The following PCDHA11 variants were observed in gnomAD, a reference collection of about 807,000 sequenced individuals.
PCDHA11 encodes protocadherin alpha-11.
Under a neutral mutation model 70.3 loss-of-function variants are expected in PCDHA11, and 61 were observed. The ratio of observed to expected loss-of-function variants is 0.87; its 90% confidence interval spans 0.71 to 1.07. The LOEUF (loss-of-function observed/expected upper bound fraction) is 1.07. PCDHA11 is among the 50% of genes least tolerant of loss of function. PCDHA11 has a pLI of 0.00. For synonymous variants in PCDHA11, 633 were observed against 555.1 expected (o/e 1.14, Z -1.97); for missense variants, 1,324 against 1,237.5 (o/e 1.07, Z -1.05).
At chr5:140,995,087 C>T (rs1482673933) in intron 3 of PCDHA11, among the ~76,000 whole-genome samples, 1 of 152,222 alleles carries the variant, frequency 6.6e-6, no homozygotes, top group Non-Finnish European at 1.5e-5. Flanking sequence ...CCAAACTTAT[C>T]TGTGGAGATA....
chr5:140,875,783 T>C (rs782000038), intron 1 of PCDHA11: 4 of 1,614,050 alleles, frequency 2.5e-6, no homozygotes, highest in Non-Finnish European at 3.4e-6. Flanking sequence ...GAGTGCAGTA[T>C]CCACCTGGAG....
At chr5:140,921,588 T>C (rs534654717) in intron 1 of PCDHA11, among the ~76,000 whole-genome samples, 1 of 152,342 alleles carries the variant, frequency 6.6e-6, no homozygotes, top group African/African-American at 2.4e-5. Flanking sequence ...TACTATATTA[T>C]GGTTTCAAAG....
chr5:140,978,680 T>C (rs2096816388), intron 1 of PCDHA11, among the ~76,000 whole-genome samples: 1 of 152,240 alleles, frequency 6.6e-6, no homozygotes, highest in Non-Finnish European at 1.5e-5. Context: ...CAGACATGTA[T>C]TGGGCAAGGC....
intron 3 of PCDHA11, among the ~76,000 whole-genome samples, chr5:141,000,094 C>G (rs782020096): frequency 1.3e-5 from 2 of 152,128 alleles, no homozygotes; most frequent in Non-Finnish European, 2.9e-5. Flanking sequence ...GTGAATGGAG[C>G]TCAACTCCGT....
In PCDHA11 at chr5:140,870,426, C is replaced by T; in HGVS notation, c.1323C>T (p.Ser441=). The T allele has an allele frequency of 1.2e-6, 2 of 1,614,208 alleles. No homozygotes were observed. The highest frequency in any genetic ancestry group is 2.2e-5 in the South Asian group (2 of 91,084). The change falls in exon 1 of 4, where the codon TCC becomes TCT. Residue 441 remains serine (S), a synonymous_variant. Coordinates refer to ENST00000398640, the MANE Select transcript of PCDHA11 (RefSeq NM_018902.5). ...CTCTGTGGGCCACGGCCAGGGTATC[C>T]GTGGAGGTGGCCGACGTGAACGACA... ...SPSLWATARV[S]VEVADVNDNA...
At chr5:141,009,577 C>T in intron 3 of PCDHA11, 50 bp from the exon 4 acceptor site, 1 of 1,584,324 alleles carries the variant, frequency 6.3e-7, no homozygotes, top group South Asian at 1.2e-5. Flanking sequence ...AGTGTGGCAT[C>T]AAGAGCATGT....
chr5:140,987,481 G>T (rs1244029095), intron 3 of PCDHA11, among the ~76,000 whole-genome samples: 1 of 152,170 alleles, frequency 6.6e-6, no homozygotes, highest in Non-Finnish European at 1.5e-5. Flanking sequence ...TTGGGAGTCA[G>T]TGACCCTTTC....
chr5:140,877,789 A>C, intron 1 of PCDHA11: 1 of 1,614,072 alleles, frequency 6.2e-7, no homozygotes, highest in Non-Finnish European at 8.5e-7. Flanking sequence ...CATGGCCTTC[A>C]GCCCAAGCCT....
chr5:141,009,825 T>A lies in PCDHA11; in HGVS notation c.2738T>A (p.Ile913Lys). ...AGCCAAATTGACAAAAGTGACTTCA[T>A]AACCTTCGGCAAAAAGGAGGAGACC... ...TNSQIDKSDF[I>K]TFGKKEETKK... is the part of the protein sequence containing the mutation. The change falls in exon 4 of 4, where the codon ATA (isoleucine) becomes AAA (lysine). Residue 913 changes from isoleucine to lysine, a missense_variant. Physicochemically the swap from Ile to Lys is moderately radical, Grantham distance 102. Coordinates refer to ENST00000398640, the MANE Select transcript of PCDHA11 (RefSeq NM_018902.5). 2 of 1,613,774 alleles carry A rather than the reference T, an allele frequency of 1.2e-6. No homozygotes were observed.
intron 1 of PCDHA11, among the ~76,000 whole-genome samples, chr5:140,908,850 C>T (rs1234928966): frequency 6.6e-6 from 1 of 152,160 alleles, no homozygotes; most frequent in Non-Finnish European, 1.5e-5. Flanking sequence ...GTAACATACC[C>T]AAATGAGGAA....
intron 1 of PCDHA11, among the ~76,000 whole-genome samples, chr5:140,920,419 T>C (rs1282192714): frequency 6.6e-6 from 1 of 152,232 alleles, no homozygotes. Flanking sequence ...GATACAGCTG[T>C]TCTCCCACAC....
chr5:140,887,081 T>C (rs2061290342), intron 1 of PCDHA11, among the ~76,000 whole-genome samples: 1 of 152,076 alleles, frequency 6.6e-6, no homozygotes, highest in Non-Finnish European at 1.5e-5. Context: ...TCAGCTTTTG[T>C]CTGAGAAATA....
intron 1 of PCDHA11, among the ~76,000 whole-genome samples, chr5:140,911,657 ACTC>A (rs782570659): frequency 1.1e-4 from 16 of 151,986 alleles, no homozygotes; most frequent in Non-Finnish European, 1.6e-4. Flanking sequence ...GAGTTACTAA[ACTC>A]CTTGCCTCTC....
chr5:140,875,410 ATACC>A (rs1259407256), intron 1 of PCDHA11: 2 of 1,502,000 alleles, frequency 1.3e-6, no homozygotes, highest in Non-Finnish European at 1.8e-6. Context: ...TGCTCATAAA[ATACC>A]TCAGGCAAGC....
At position 140,881,347 on chromosome 5, in the gene PCDHA11, C is replaced by A; in HGVS notation, c.2391+9853C>A. 3 of 985,212 alleles carry A rather than the reference C, an allele frequency of 3.0e-6. No homozygotes were observed. In the African/African-American group the frequency reaches 5.2e-5, roughly 17 times the overall value. 61.0% of individuals were successfully genotyped at this position (985,212 alleles called of 1,614,324 possible). ...TTAACCAGGACGCCGATTCGGGCTA[C>A]AATGCGTGGCTTTCGTATGAATTGC... On this transcript the variant is annotated intron_variant, in intron 1 of 3. Transcript: ENST00000398640.
At chr5:140,940,795 A>G (rs2153647229) in intron 1 of PCDHA11, among the ~76,000 whole-genome samples, 1 of 152,276 alleles carries the variant, frequency 6.6e-6, no homozygotes, top group Non-Finnish European at 1.5e-5. Flanking sequence ...TGAAAATGAT[A>G]TTTGCCAGGA....
intron 1 of PCDHA11, among the ~76,000 whole-genome samples, chr5:140,935,903 T>TTC (rs1289164766): frequency 4.6e-4 from 69 of 151,456 alleles, no homozygotes; most frequent in African/African-American, 1.6e-3. Flanking sequence ...TCTTTTTTTT[T>TTC]TTTTTTTGAG....
Position 140,917,751 on chromosome 5 carries a change from A to G in PCDHA11, c.2391+46257A>G, listed in dbSNP as rs577892904. On this transcript the variant is annotated intron_variant, in intron 1 of 3. Coordinates refer to ENST00000398640, the MANE Select transcript of PCDHA11 (RefSeq NM_018902.5). ...GTTCTCTAACCTGTCCCATTGGTCT[A>G]TGTGTCTGTTTTTGTATTAGTACCA... is the stretch of plus-strand genomic sequence containing the variant. Among the ~76,000 whole-genome samples the G allele has an allele frequency of 3.7e-4, 56 of 152,178 alleles. 2 individuals are homozygous for G. The highest frequency in any genetic ancestry group is 1.3e-3 in the African/African-American group (55 of 41,522).
At chr5:140,934,228 G>A (rs1238284158) in intron 1 of PCDHA11, among the ~76,000 whole-genome samples, 2 of 151,884 alleles carry the variant, frequency 1.3e-5, no homozygotes, top group African/African-American at 4.8e-5. Flanking sequence ...TAAAAGATTT[G>A]TACTTAATTG....
Sources: gnomAD v4.1 joint callset for allele counts (sites outside exome capture counted in the v4.1 genomes callset) on GRCh38, gnomAD v4.1.1 for gene constraint, MANE v1.5 for transcripts, NCBI Gene and HGNC (gene_info 2026-07-23, HGNC 2026-07-21) for gene names.